Variants in BMP6 observed in about 807,000 individuals in gnomAD.
BMP6 encodes bone morphogenetic protein 6.
Under a neutral mutation model 54.1 loss-of-function variants are expected in BMP6, and 17 were observed. That is an observed-to-expected ratio of 0.31 (90% confidence interval 0.22 to 0.47). The LOEUF (loss-of-function observed/expected upper bound fraction) is 0.47, where lower values mean the gene tolerates loss of function less well. Ranked by LOEUF, BMP6 falls within the 20% of genes least tolerant of loss-of-function variation. The probability of loss-of-function intolerance (pLI) is 1.00; values close to 1 mark genes in which losing one functional copy is unlikely to be tolerated. For missense variants in BMP6, 720 were observed against 690.4 expected (o/e 1.04, Z -0.48); for synonymous variants, 328 against 291.2 (o/e 1.13, Z -1.28).
chr6:7,864,028 G>A (rs1224355200), intron 4 of BMP6, among the ~76,000 whole-genome samples: 5 of 144,220 alleles, frequency 3.5e-5, no homozygotes, highest in African/African-American at 1.3e-4. Flanking sequence ...AAAAAAAAAA[G>A]TTCTCCCCAG....
chr6:7,789,735 T>C (rs1428676253), intron 1 of BMP6, among the ~76,000 whole-genome samples: 1 of 152,056 alleles, frequency 6.6e-6, no homozygotes, highest in African/African-American at 2.4e-5. Context: ...GCTTATGGGA[T>C]TTCTTAGACT....
chr6:7,852,237 T>C (rs1410615808), intron 2 of BMP6, among the ~76,000 whole-genome samples: 1 of 152,238 alleles, frequency 6.6e-6, no homozygotes, highest in African/African-American at 2.4e-5. Flanking sequence ...GGCTTATCTG[T>C]TTATGGTTTT....
intron 4 of BMP6, among the ~76,000 whole-genome samples, chr6:7,872,062 G>A (rs564623672): frequency 1.3e-5 from 2 of 152,220 alleles, no homozygotes; most frequent in East Asian, 1.9e-4. Flanking sequence ...TTGGTTTGTC[G>A]CCTCTCTCTA....
intron 2 of BMP6, among the ~76,000 whole-genome samples, chr6:7,848,640 T>C (rs1759101280): frequency 6.6e-6 from 1 of 152,258 alleles, no homozygotes; most frequent in African/African-American, 2.4e-5. Context: ...CTTTCTTTGC[T>C]GTAATACCTG....
At chr6:7,862,191 C>T (rs1301256300) in intron 3 of BMP6, 110 bp from the exon 4 acceptor site, 3 of 1,276,300 alleles carry the variant, frequency 2.4e-6, no homozygotes, top group African/African-American at 2.9e-5. Flanking sequence ...TCTTCACACT[C>T]ATTCTTAAGG....
At chr6:7,738,706 G>A (rs1761998778) in intron 1 of BMP6, among the ~76,000 whole-genome samples, 1 of 152,144 alleles carries the variant, frequency 6.6e-6, no homozygotes, top group South Asian at 2.1e-4. Flanking sequence ...TGGTAATGCA[G>A]CTTAATTTGA....
chr6:7,778,033 AC>A (rs1425190206), intron 1 of BMP6, among the ~76,000 whole-genome samples: 2 of 151,978 alleles, frequency 1.3e-5, no homozygotes, highest in East Asian at 3.9e-4. Context: ...CTGGTTACAT[AC>A]TCCCAGGCAG....
rs1342280140 is a variant in BMP6 at position 7,727,562 on chromosome 6, G to T, written c.607G>T (p.Ala203Ser). 1.3e-6 allele frequency: 2 copies of T among 1,587,172 alleles called. No homozygotes were observed. ...CGGCGGCGCGTCCCCACTGACCAGC[G>T]CGCAGGACAGCGCCTTCCTCAACGA... is the stretch of plus-strand genomic sequence containing the variant. ...GSGGASPLTS[A>S]QDSAFLNDAD... The change falls in exon 1 of 7, where the codon GCG becomes TCG. Residue 203 changes from alanine to serine, a missense_variant. By Grantham distance (99) the Ala-to-Ser change is moderately conservative. Transcript: ENST00000283147.
At chr6:7,835,119 C>CTTTG (rs10622283) in intron 1 of BMP6, among the ~76,000 whole-genome samples, 64,863 of 151,322 alleles carry the variant, frequency 0.43, 14,405 homozygotes, top group East Asian at 0.78. Context: ...GGAAGGAATG[C>CTTTG]TTTGTTTGTT....
rs535292235 is a variant in BMP6, at chr6:7,735,161, C to T, written c.664+7542C>T. The stretch of plus-strand genomic sequence containing the variant: ...CCGCTCCACCCTGACCTCCGATATC[C>T]GCCACGGGCCTTATTATCACTCTCC... On this transcript the variant is annotated intron_variant, in intron 1 of 6. Transcript: ENST00000283147. Among the ~76,000 whole-genome samples, 250 of 152,358 alleles carry T rather than the reference C, an allele frequency of 1.6e-3. 1 individual carries two copies. The highest frequency in any genetic ancestry group is 3.4e-3 in the Middle Eastern group (1 of 294).
rs776483805 is a variant in BMP6 at position 7,727,495 on chromosome 6, C to G, written c.540C>G (p.His180Gln). The G allele has an allele frequency of 1.9e-6, 3 of 1,595,364 alleles. No individual in the cohort carries two copies. Among genetic ancestry groups the G allele is most frequent in the Non-Finnish European group, 2.5e-6 (3 of 1,176,534 alleles). Residue 180 changes from histidine (H) to glutamine (Q), a missense_variant, in exon 1 of 7, where the codon CAC becomes CAG. His to Gln is a conservative substitution (Grantham distance 24). Transcript: ENST00000283147. ...QRRQPPPGAA[H>Q]PLNRKSLLAP... The stretch of plus-strand genomic sequence containing the variant: ...GGCAGCCGCCCCCGGGCGCCGCGCA[C>G]CCGCTCAACCGCAAGAGCCTTCTGG...
rs144658141 is a variant in BMP6 at position 7,877,458 on chromosome 6, C to G, written c.1205-1616C>G. On this transcript the variant is annotated intron_variant, in intron 4 of 6. Transcript: ENST00000283147. Reference sequence around the variant, plus strand: ...CCAATGTGTTGAAACCCCATCTCTACTAAAAATACAAAAAATTAGCTGGGC... The same window carrying G: ...CCAATGTGTTGAAACCCCATCTCTAGTAAAAATACAAAAAATTAGCTGGGC... 5.3e-5 allele frequency among the ~76,000 whole-genome samples: 8 copies of G among 152,082 alleles called. No homozygotes were observed. The East Asian group carries it at 1.5e-3, about 29-fold the overall frequency.
At chr6:7,740,801 C>T (rs1237546711) in intron 1 of BMP6, among the ~76,000 whole-genome samples, 1 of 152,192 alleles carries the variant, frequency 6.6e-6, no homozygotes, top group Admixed American at 6.5e-5. Flanking sequence ...AAATCTCTTA[C>T]TCCCATCTTC....
At chr6:7,813,793 A>T (rs1021513006) in intron 1 of BMP6, among the ~76,000 whole-genome samples, 1 of 152,156 alleles carries the variant, frequency 6.6e-6, no homozygotes, top group African/African-American at 2.4e-5. Flanking sequence ...AGTTGGAAAC[A>T]GTCACTGTAT....
intron 1 of BMP6, among the ~76,000 whole-genome samples, chr6:7,771,909 C>T (rs1757794660): frequency 6.6e-6 from 1 of 152,006 alleles, no homozygotes. Flanking sequence ...AAAAATTAGC[C>T]AGGCGTGATG....
At chr6:7,735,736 A>T (rs576892596) in intron 1 of BMP6, among the ~76,000 whole-genome samples, 1 of 152,314 alleles carries the variant, frequency 6.6e-6, no homozygotes, top group Non-Finnish European at 1.5e-5. Context: ...TGATGAACTT[A>T]TATGGACACA....
At chr6:7,853,897 T>C (rs949418076) in intron 2 of BMP6, among the ~76,000 whole-genome samples, 10 of 113,466 alleles carry the variant, frequency 8.8e-5, no homozygotes, top group Admixed American at 5.6e-4. Context: ...TAGAACGGTC[T>C]ACTTGGGGAG....
intron 1 of BMP6, among the ~76,000 whole-genome samples, chr6:7,832,945 C>T (rs968534047): frequency 3.3e-5 from 5 of 151,450 alleles, no homozygotes; most frequent in African/African-American, 4.9e-5. Flanking sequence ...GGGTGAGGGA[C>T]GAGGGTGGGA....
At chr6:7,753,762 C>T (rs1236689956) in intron 1 of BMP6, among the ~76,000 whole-genome samples, 1 of 152,204 alleles carries the variant, frequency 6.6e-6, no homozygotes, top group Non-Finnish European at 1.5e-5. Flanking sequence ...AGGTTTTCGT[C>T]TAACATCAAT....
Sources: allele counts gnomAD v4.1 joint callset (sites outside exome capture counted in the v4.1 genomes callset), GRCh38; gene constraint gnomAD v4.1.1; transcripts MANE v1.5; gene names NCBI Gene and HGNC (gene_info 2026-07-23, HGNC 2026-07-21).